CFAP57: variants seen among roughly 807,000 people sequenced by gnomAD.
The protein encoded by CFAP57 is cilia- and flagella-associated protein 57.
In CFAP57, 116 loss-of-function variants were observed where a neutral mutation model predicts 146.8. The observed-to-expected ratio is 0.79, with a 90% CI of 0.68 to 0.92. The LOEUF is 0.92. Among genes scored for constraint, CFAP57 ranks in the 40% least tolerant of loss-of-function variants. The pLI, the probability that CFAP57 is intolerant of heterozygous loss-of-function variation, is 0.00. For missense variants in CFAP57, 1,377 were observed against 1,527.2 expected (o/e 0.90, Z 1.64); for synonymous variants, 518 against 552.8 (o/e 0.94, Z 0.88).
intron 5 of CFAP57, 74 bp from the exon 6 acceptor site, chr1:43,186,633 A>G (rs1557739350): frequency 3.2e-6 from 4 of 1,237,310 alleles, no homozygotes; most frequent in South Asian, 2.9e-5. Flanking sequence ...AAAAAAAAAA[A>G]GAAAACTCTG....
intron 6 of CFAP57, among the ~76,000 whole-genome samples, chr1:43,187,676 C>T (rs898969136): frequency 3.9e-5 from 6 of 151,992 alleles, no homozygotes; most frequent in Non-Finnish European, 7.4e-5. Context: ...CCTCCCCACC[C>T]CAGCCCTAGG....
chr1:43,187,539 T>G (rs1643216652), intron 6 of CFAP57, among the ~76,000 whole-genome samples: 1 of 152,056 alleles, frequency 6.6e-6, no homozygotes, highest in South Asian at 2.1e-4. Flanking sequence ...TCAGTGGTCT[T>G]TAGTATATTC....
At chr1:43,216,972 G>T (rs1644856858) in intron 12 of CFAP57, among the ~76,000 whole-genome samples, 1 of 152,254 alleles carries the variant, frequency 6.6e-6, no homozygotes, top group African/African-American at 2.4e-5. Context: ...GTGGAATGAA[G>T]TGTCATGAAA....
intron 12 of CFAP57, among the ~76,000 whole-genome samples, chr1:43,218,302 G>A (rs923907805): frequency 3.3e-5 from 5 of 152,164 alleles, no homozygotes; most frequent in Non-Finnish European, 1.5e-5. Flanking sequence ...CATTGAGTAC[G>A]ATGGGAGAAG....
intron 22 of CFAP57, among the ~76,000 whole-genome samples, chr1:43,246,658 G>A (rs945478575): frequency 2.0e-5 from 3 of 152,118 alleles, no homozygotes; most frequent in Admixed American, 2.0e-4. Context: ...CACAGGCAAC[G>A]AAATAAAAAA....
chr1:43,176,066 T>G (rs576238832), intron 2 of CFAP57, among the ~76,000 whole-genome samples: 1 of 152,116 alleles, frequency 6.6e-6, no homozygotes, highest in Non-Finnish European at 1.5e-5. Flanking sequence ...CTTGTACACA[T>G]GTGGGTGGAT....
intron 6 of CFAP57, among the ~76,000 whole-genome samples, chr1:43,195,991 A>G (rs1557754241): frequency 6.6e-6 from 1 of 152,232 alleles, no homozygotes. Flanking sequence ...GAAATATGAG[A>G]TAATGTCATC....
chr1:43,223,753 T>C (rs1377163957), intron 16 of CFAP57, among the ~76,000 whole-genome samples: 1 of 152,196 alleles, frequency 6.6e-6, no homozygotes, highest in Non-Finnish European at 1.5e-5. Context: ...TCTGGTCCAC[T>C]TGGTGTACCG....
intron 7 of CFAP57, among the ~76,000 whole-genome samples, 179 bp from the exon 8 acceptor site, chr1:43,198,302 A>G (rs1255541103): frequency 6.6e-6 from 1 of 152,206 alleles, no homozygotes; most frequent in African/African-American, 2.4e-5. Flanking sequence ...CTCCCTATCT[A>G]CCATGCTCCA....
chr1:43,198,179 C>T (rs1643946298), intron 7 of CFAP57, among the ~76,000 whole-genome samples: 1 of 152,146 alleles, frequency 6.6e-6, no homozygotes, highest in South Asian at 2.1e-4. Flanking sequence ...TTTCTTTGTT[C>T]TTATGTACAA....
At chr1:43,196,930 G>A (rs1415046052) in intron 6 of CFAP57, among the ~76,000 whole-genome samples, 3 of 152,204 alleles carry the variant, frequency 2.0e-5, no homozygotes, top group Non-Finnish European at 2.9e-5. Flanking sequence ...TTAGTCTAGT[G>A]TTATTCCTAT....
intron 18 of CFAP57, among the ~76,000 whole-genome samples, chr1:43,231,699 CAAAAA>C (rs10588937): frequency 2.4e-5 from 2 of 83,570 alleles, no homozygotes; most frequent in Admixed American, 1.4e-4. Flanking sequence ...CCTAAAAATA[CAAAAA>C]AAAAAAAAAA....
At chr1:43,177,766 A>G (rs942704180) in intron 2 of CFAP57, among the ~76,000 whole-genome samples, 10 of 152,232 alleles carry the variant, frequency 6.6e-5, no homozygotes, top group African/African-American at 2.4e-4. Flanking sequence ...TCGCATGCAC[A>G]GTTCACAACA....
chr1:43,198,905 C>T (rs1446348688), intron 8 of CFAP57, among the ~76,000 whole-genome samples: 1 of 152,160 alleles, frequency 6.6e-6, no homozygotes, highest in Non-Finnish European at 1.5e-5. Flanking sequence ...TATGATAAGT[C>T]CTGTCTGTAA....
intron 10 of CFAP57, among the ~76,000 whole-genome samples, chr1:43,209,329 C>T (rs1486233968): frequency 6.6e-6 from 1 of 152,166 alleles, no homozygotes; most frequent in African/African-American, 2.4e-5. Flanking sequence ...AGACTGGAGC[C>T]CACCCAGGTA....
At position 43,223,107 on chromosome 1, in the gene CFAP57, C is replaced by T. The variant is rs1645112903; in HGVS notation, c.2706+110C>T. The T allele has an allele frequency of 4.1e-6, 5 of 1,216,858 alleles. No individual in the cohort carries two copies. The East Asian group carries it at 1.1e-4, about 26-fold the overall frequency. 75.4% of individuals were successfully genotyped at this position (1,216,858 alleles called of 1,614,324 possible). On this transcript the variant is annotated intron_variant, in intron 16 of 22. Transcript: ENST00000372492. Reference sequence around the variant, plus strand: ...TGCTGGCCAGGGTCCTGCCTGTCCCCATCTTCAGCGAGCAGGCTGGGAGAA... The same window carrying T: ...TGCTGGCCAGGGTCCTGCCTGTCCCTATCTTCAGCGAGCAGGCTGGGAGAA...
chr1:43,214,827 T>C (rs1196934030), intron 11 of CFAP57, among the ~76,000 whole-genome samples: 1 of 152,226 alleles, frequency 6.6e-6, no homozygotes, highest in African/African-American at 2.4e-5. Context: ...AATGGGTGTG[T>C]AGTGATATCT....
intron 22 of CFAP57, among the ~76,000 whole-genome samples, chr1:43,247,565 C>G (rs567903470): frequency 6.6e-6 from 1 of 152,282 alleles, no homozygotes; most frequent in South Asian, 2.1e-4. Flanking sequence ...AAAGAACTGC[C>G]AAACCGCCAA....
At chr1:43,205,766 G>A (rs530493415) in intron 9 of CFAP57, among the ~76,000 whole-genome samples, 5 of 152,132 alleles carry the variant, frequency 3.3e-5, no homozygotes, top group South Asian at 2.1e-4. Context: ...TTTCCAGACC[G>A]AAACCATAGC....
Sources: gnomAD v4.1 joint callset for allele counts (sites outside exome capture counted in the v4.1 genomes callset) on GRCh38, gnomAD v4.1.1 for gene constraint, MANE v1.5 for transcripts, NCBI Gene and HGNC (gene_info 2026-07-23, HGNC 2026-07-21) for gene names.